TLCD4: variants seen among roughly 807,000 people sequenced by gnomAD.
TLCD4 encodes TLC domain-containing protein 4.
A neutral mutation model predicts 24.2 loss-of-function variants in TLCD4; 7 were observed. That is an observed-to-expected ratio of 0.29 (90% CI 0.16 to 0.54). The LOEUF is 0.54. Among genes scored for constraint, TLCD4 ranks in the 20% least tolerant of loss-of-function variants. The pLI, the probability that TLCD4 is intolerant of heterozygous loss-of-function variation, is 0.95. For synonymous variants in TLCD4, 103 were observed against 106.4 expected (o/e 0.97, Z 0.20); for missense variants, 259 against 313.9 (o/e 0.82, Z 1.32).
At chr1:95,169,300 A>G (rs1256324238) in intron 5 of TLCD4, among the ~76,000 whole-genome samples, 1 of 152,238 alleles carries the variant, frequency 6.6e-6, no homozygotes, top group Non-Finnish European at 1.5e-5. Context: ...CCATTGGGCT[A>G]GAAGTACTAG....
Position 95,181,710 on chromosome 1 carries a change from C to T in TLCD4, c.473+7821C>T, listed in dbSNP as rs1334818021. ...CTCCCAGGTTCAAGCAATTCTCCTGCCTCAGCCTCCCTGAGTAGCTGGGAT... is the reference window on the plus strand; with the variant it reads ...CTCCCAGGTTCAAGCAATTCTCCTGTCTCAGCCTCCCTGAGTAGCTGGGAT... On this transcript the variant is annotated intron_variant, in intron 6 of 6. Coordinates refer to ENST00000370203, the MANE Select transcript of TLCD4 (RefSeq NM_152487.3). Among the ~76,000 whole-genome samples the T allele has an allele frequency of 3.3e-5, 5 of 152,050 alleles. No individual in the cohort carries two copies. In the East Asian group the frequency reaches 9.6e-4, roughly 29 times the overall value.
Position 95,192,030 on chromosome 1 carries a change from C to G in TLCD4, c.*162C>G. 2.8e-6 allele frequency: 4 copies of G among 1,423,708 alleles called. No individual in the cohort carries two copies. The highest frequency in any genetic ancestry group is 3.7e-6 in the Non-Finnish European group (4 of 1,095,866). The allele number at this position is 1,423,708 out of a possible 1,614,324, so 88.2% of individuals were successfully genotyped here. ...GAAAAGAGAAGGCCGGGCACGGTGGCTCATGCCTGTAATCCCAGCACTTTG... is the reference window on the plus strand; with the variant it reads ...GAAAAGAGAAGGCCGGGCACGGTGGGTCATGCCTGTAATCCCAGCACTTTG... On this transcript the variant is annotated 3_prime_UTR_variant, in exon 7 of 7. Transcript: ENST00000370203.
chr1:95,103,277 C>G, the TLCD4 span, among the ~76,000 whole-genome samples: 1 of 152,132 alleles, frequency 6.6e-6, no homozygotes, highest in East Asian at 1.9e-4. Flanking sequence ...CTGAACCTGG[C>G]CAGAAGAACT....
At chr1:95,116,773 C>A (rs1196616467), upstream of TLCD4, among the ~76,000 whole-genome samples, 4 of 152,118 alleles carry the variant, frequency 2.6e-5, no homozygotes, top group African/African-American at 9.7e-5. Context: ...AGAGGGGTTC[C>A]GGGTGTAGGT....
At chr1:95,162,602 G>T (rs953150539) in intron 5 of TLCD4, among the ~76,000 whole-genome samples, 1 of 152,188 alleles carries the variant, frequency 6.6e-6, no homozygotes, top group Admixed American at 6.5e-5. Context: ...AGCATCGATG[G>T]TCTTTACAAT....
At chr1:95,187,671 G>A (rs1678873081) in intron 6 of TLCD4, among the ~76,000 whole-genome samples, 1 of 152,096 alleles carries the variant, frequency 6.6e-6, no homozygotes, top group Non-Finnish European at 1.5e-5. Context: ...CCATTTTAAA[G>A]TTATTCCTTA....
chr1:95,145,850 A>G (rs901679162), intron 2 of TLCD4, among the ~76,000 whole-genome samples: 9 of 152,190 alleles, frequency 5.9e-5, no homozygotes, highest in African/African-American at 1.9e-4. Context: ...AGGAAATACC[A>G]TTTGGGAAAC....
intron 6 of TLCD4, among the ~76,000 whole-genome samples, chr1:95,179,239 A>C (rs1380652515): frequency 6.6e-6 from 1 of 152,244 alleles, no homozygotes; most frequent in East Asian, 1.9e-4. Context: ...GTGGCCATAC[A>C]CGGAACCTAC....
the TLCD4 span, among the ~76,000 whole-genome samples, chr1:95,102,248 G>A: frequency 9.9e-5 from 15 of 152,200 alleles, no homozygotes; most frequent in Admixed American, 9.8e-4. Context: ...GGAGAAGATG[G>A]AAAGGAAATT....
intron 1 of TLCD4, among the ~76,000 whole-genome samples, chr1:95,124,673 G>C (rs766097194): frequency 1.3e-5 from 2 of 152,056 alleles, no homozygotes; most frequent in Admixed American, 6.5e-5. Context: ...ATAGCAATGT[G>C]ATCTTGTTTC....
At chr1:95,095,980 GT>G in the TLCD4 span, among the ~76,000 whole-genome samples, 1 of 152,220 alleles carries the variant, frequency 6.6e-6, no homozygotes, top group South Asian at 2.1e-4. Context: ...AACAAATTAA[GT>G]TTAGAGAGGA....
chr1:95,145,405 GT>G (rs909300944), intron 2 of TLCD4, among the ~76,000 whole-genome samples: 161 of 150,680 alleles, frequency 1.1e-3, no homozygotes, highest in African/African-American at 3.6e-3. Flanking sequence ...GACTCTAGTT[GT>G]TTTTTTTTGT....
intron 1 of TLCD4, among the ~76,000 whole-genome samples, chr1:95,133,707 TTGGTTGGAGTGGCAAA>T (rs1397527482): frequency 1.3e-5 from 2 of 151,712 alleles, no homozygotes; most frequent in Admixed American, 6.6e-5. Context: ...TCTGAGAGGG[TTGGTTGGAGTGGCAAA>T]TGGTTGGAGT....
At chr1:95,187,307 C>T (rs1467613235) in intron 6 of TLCD4, among the ~76,000 whole-genome samples, 2 of 152,090 alleles carry the variant, frequency 1.3e-5, no homozygotes, top group Admixed American at 6.5e-5. Context: ...GGATTTCTTT[C>T]GTTTTTGCCC....
At chr1:95,123,328 TG>T (rs1676621889) in intron 1 of TLCD4, among the ~76,000 whole-genome samples, 1 of 152,158 alleles carries the variant, frequency 6.6e-6, no homozygotes. Context: ...ACATGCCCTA[TG>T]GAAAAGTGGA....
chr1:95,176,278 A>G (rs987266500), intron 6 of TLCD4, among the ~76,000 whole-genome samples: 1 of 149,610 alleles, frequency 6.7e-6, no homozygotes, highest in Middle Eastern at 3.2e-3. Flanking sequence ...TGCAACCTCT[A>G]CCTCCTGGGT....
chr1:95,104,336 A>G, the TLCD4 span, among the ~76,000 whole-genome samples: 1 of 152,166 alleles, frequency 6.6e-6, no homozygotes, highest in Non-Finnish European at 1.5e-5. Flanking sequence ...TGTACTGACG[A>G]ACCCATCATA....
At chr1:95,160,491 G>C (rs12142182) in intron 5 of TLCD4, among the ~76,000 whole-genome samples, 67,438 of 151,936 alleles carry the variant, frequency 0.44, 16,428 homozygotes, top group Middle Eastern at 0.58. Flanking sequence ...AATTGAATAC[G>C]CTTTATTTCT....
intron 1 of TLCD4, among the ~76,000 whole-genome samples, chr1:95,124,273 A>G (rs1028653959): frequency 4.6e-5 from 7 of 152,232 alleles, no homozygotes; most frequent in Non-Finnish European, 2.9e-5. Flanking sequence ...TTCTTTCCTT[A>G]CTAAAAGTTC....
Sources: gnomAD v4.1 joint callset for allele counts (sites outside exome capture counted in the v4.1 genomes callset) on GRCh38, gnomAD v4.1.1 for gene constraint, MANE v1.5 for transcripts, NCBI Gene and HGNC (gene_info 2026-07-23, HGNC 2026-07-21) for gene names.